ABCA5: variants seen among roughly 807,000 people sequenced by gnomAD.
ABCA5 encodes the protein ATP binding cassette subfamily A member 5.
ABCA5 carries 163 observed loss-of-function variants against 206.0 expected under a neutral mutation model. The ratio of observed to expected loss-of-function variants is 0.79; its 90% CI spans 0.70 to 0.90. ABCA5 has a LOEUF of 0.90. ABCA5 is among the 40% of genes least tolerant of loss of function. The probability of loss-of-function intolerance (pLI) is 0.00; values close to 1 mark genes in which losing one functional copy is unlikely to be tolerated. For missense variants in ABCA5, 1,859 were observed against 1,912.9 expected (o/e 0.97, Z 0.53); for synonymous variants, 609 against 613.8 (o/e 0.99, Z 0.11).
At position 69,308,376 on chromosome 17, in the gene ABCA5, G is replaced by T; in HGVS notation, c.470-8C>A. 4 of 1,599,132 alleles carry T rather than the reference G, an allele frequency of 2.5e-6. No individual in the cohort carries two copies. Among genetic ancestry groups the T allele is most frequent in the Non-Finnish European group, 3.4e-6 (4 of 1,167,454 alleles). ...ATGATTTTGAACAGCCAGCTATGGG[G>T]GGAAGAATATGAGATCTAAGATTCT... On this transcript the variant is annotated splice_polypyrimidine_tract_variant and splice_region_variant and intron_variant, in intron 4 of 38. Coordinates refer to ENST00000392676, the MANE Select transcript of ABCA5 (RefSeq NM_172232.4).
chr17:69,274,624 A>T (rs1479235990), intron 19 of ABCA5, among the ~76,000 whole-genome samples: 1 of 152,122 alleles, frequency 6.6e-6, no homozygotes, highest in African/African-American at 2.4e-5. Flanking sequence ...GTATTCCCCA[A>T]AATGATCTTA....
At chr17:69,284,217 G>T (rs1205749238) in intron 17 of ABCA5, 145 bp from the exon 18 acceptor site, 10 of 616,798 alleles carry the variant, frequency 1.6e-5, no homozygotes, top group African/African-American at 3.9e-5. Flanking sequence ...AATTAGCTAG[G>T]CATAAATACT....
At chr17:69,249,081 ATAAT>A (rs1291147012) in intron 37 of ABCA5, 3 of 152,172 alleles carry the variant, frequency 2.0e-5, no homozygotes, top group Admixed American at 2.0e-4. Flanking sequence ...AGACCAAAAA[ATAAT>A]TAATTAGTGT....
At chr17:69,271,023 T>C (rs2075267658) in intron 21 of ABCA5, 139 bp downstream of exon 21, 2 of 1,085,796 alleles carry the variant, frequency 1.8e-6, no homozygotes, top group Admixed American at 3.4e-5. Flanking sequence ...ATATCATAAA[T>C]AAAGACAGCT....
At chr17:69,258,449 A>G (rs965519230) in intron 28 of ABCA5, among the ~76,000 whole-genome samples, 1 of 152,174 alleles carries the variant, frequency 6.6e-6, no homozygotes. Flanking sequence ...GTTCTCACTT[A>G]TAAGTTCTCA....
intron 20 of ABCA5, among the ~76,000 whole-genome samples, chr17:69,271,543 T>C (rs1009454026): frequency 6.6e-6 from 1 of 152,064 alleles, no homozygotes; most frequent in African/African-American, 2.4e-5. Flanking sequence ...AAAATAAGTA[T>C]ATCTGCCTTA....
intron 35 of ABCA5, chr17:69,251,485 T>C (rs1388015447): frequency 2.6e-6 from 1 of 391,678 alleles, no homozygotes; most frequent in East Asian, 4.5e-5. Flanking sequence ...ATCCAATATA[T>C]AACAATTTTT....
intron 11 of ABCA5, among the ~76,000 whole-genome samples, chr17:69,291,811 G>T (rs1480565039): frequency 6.6e-6 from 1 of 152,058 alleles, no homozygotes; most frequent in African/African-American, 2.4e-5. Flanking sequence ...AGCAGAAATG[G>T]CTTATCAAAA....
chr17:69,313,383 G>GA, intron 2 of ABCA5, 87 bp from the exon 3 acceptor site: 1 of 572,070 alleles, frequency 1.7e-6, no homozygotes, highest in Non-Finnish European at 2.8e-6. Flanking sequence ...ATAATACTAA[G>GA]AAAAAACAGG....
chr17:69,296,201 T>C (rs2075581926), intron 10 of ABCA5, among the ~76,000 whole-genome samples: 1 of 152,212 alleles, frequency 6.6e-6, no homozygotes, highest in Admixed American at 6.5e-5. Context: ...CTTATTTTTT[T>C]CATATTTTTT....
Position 69,254,385 on chromosome 17 carries a change from G to T in ABCA5, c.4174C>A (p.Gln1392Lys), listed in dbSNP as rs1196402344. The T allele has an allele frequency of 1.2e-5, 19 of 1,613,558 alleles. No homozygotes were observed. Among genetic ancestry groups the T allele is most frequent in the Non-Finnish European group, 1.6e-5 (19 of 1,179,754 alleles). The change falls in exon 32 of 39, where the codon CAG becomes AAG. Residue 1392 changes from glutamine (Q) to lysine (K), a missense_variant. Gln to Lys is a moderately conservative substitution (Grantham distance 53, BLOSUM62 1). Coordinates refer to ENST00000392676, the MANE Select transcript of ABCA5 (RefSeq NM_172232.4). ...INPLWPDTTL[Q>K]EHFEIYGAVK... The stretch of plus-strand genomic sequence containing the variant: ...GCTCCATAAATTTCAAAATGTTCCT[G>T]CAATGTAGTATCTGGCCACAAAGGG...
chr17:69,299,471 TACAC>T (rs71144671), intron 9 of ABCA5, among the ~76,000 whole-genome samples: 179 of 142,506 alleles, frequency 1.3e-3, no homozygotes, highest in African/African-American at 3.2e-3. Context: ...CACACACACA[TACAC>T]ACACACACAC....
chr17:69,287,805 AAACAGGC>A, intron 14 of ABCA5, 54 bp from the exon 15 acceptor site: 1 of 1,559,436 alleles, frequency 6.4e-7, no homozygotes, highest in Non-Finnish European at 8.7e-7. Flanking sequence ...ACTAAATATT[AAACAGGC>A]ATGTGGACAC....
intron 36 of ABCA5, among the ~76,000 whole-genome samples, 186 bp from the exon 37 acceptor site, chr17:69,250,170 T>TA (rs1029909714): frequency 5.3e-5 from 8 of 151,958 alleles, no homozygotes; most frequent in African/African-American, 1.7e-4. Flanking sequence ...CTAAGAATGT[T>TA]AAAAAAATTT....
Position 69,303,263 on chromosome 17 carries a change from G to A in ABCA5, c.931-357C>T, listed in dbSNP as rs747753501. Among the ~76,000 whole-genome samples the A allele has an allele frequency of 4.6e-4, 70 of 152,044 alleles. 1 individual carries two copies. The highest frequency in any genetic ancestry group is 4.1e-4 in the South Asian group (2 of 4,826). On this transcript the variant is annotated intron_variant, in intron 7 of 38. Coordinates refer to ENST00000392676, the MANE Select transcript of ABCA5 (RefSeq NM_172232.4). ...CTCCCGTGTAGCTGGGATTACAGGCGTGGGGCACCACGTCCAGCATTTTAG... is the reference window on the plus strand; with the variant it reads ...CTCCCGTGTAGCTGGGATTACAGGCATGGGGCACCACGTCCAGCATTTTAG...
rs1244834936 is a variant in ABCA5, at chr17:69,247,018, AT to A, written c.*518del. The A allele has an allele frequency of 6.6e-6, 1 of 152,062 alleles. No individual in the cohort carries two copies. Among genetic ancestry groups the A allele is most frequent in the African/African-American group, 2.4e-5 (1 of 41,460 alleles). 9.4% of individuals were successfully genotyped at this position (152,062 alleles called of 1,614,324 possible). Reference sequence around the variant, plus strand: ...ACTTTCCTCAAATCTCTATATTGAGATTTCCTAGTGCTTACACTTCAGCTTT... The same window carrying A: ...ACTTTCCTCAAATCTCTATATTGAGATTCCTAGTGCTTACACTTCAGCTTT... On this transcript the variant is annotated 3_prime_UTR_variant, in exon 39 of 39. Transcript: ENST00000392676.
intron 18 of ABCA5, among the ~76,000 whole-genome samples, chr17:69,280,220 A>G (rs577773200): frequency 8.1e-4 from 123 of 152,338 alleles, no homozygotes; most frequent in African/African-American, 2.9e-3. Context: ...AAAAGTGGGC[A>G]AAGGACATAA....
In ABCA5 at chr17:69,270,569, T is replaced by C. The variant is rs145152159; in HGVS notation, c.3030+44A>G. 302 of 1,502,674 alleles carry C rather than the reference T, an allele frequency of 2.0e-4. 2 individuals are homozygous for C. The African/African-American group carries it at 4.0e-3, about 20-fold the overall frequency. 93.1% of individuals were successfully genotyped at this position (1,502,674 alleles called of 1,614,324 possible). On this transcript the variant is annotated intron_variant, in intron 22 of 38. Coordinates refer to ENST00000392676, the MANE Select transcript of ABCA5 (RefSeq NM_172232.4). ...CTTAGTTTTTAATGGTTATTATATA[T>C]ATGACATGCATATGGAAATTTATCT...
At chr17:69,255,885 T>G in intron 29 of ABCA5, 35 bp from the exon 30 acceptor site, 1 of 1,480,932 alleles carries the variant, frequency 6.8e-7, no homozygotes, top group South Asian at 1.3e-5. Flanking sequence ...AAGAAAGTTA[T>G]AAAACTTATC....
Sources: allele counts gnomAD v4.1 joint callset (sites outside exome capture counted in the v4.1 genomes callset), GRCh38; gene constraint gnomAD v4.1.1; transcripts MANE v1.5; gene names NCBI Gene and HGNC (gene_info 2026-07-23, HGNC 2026-07-21).